The following BTAF1 variants were observed in gnomAD, a reference collection of about 807,000 sequenced individuals.
BTAF1 encodes the protein B-TFIID TATA-box binding protein associated factor 1.
In BTAF1, 38 loss-of-function variants were observed where a neutral mutation model predicts 227.1. That is an observed-to-expected ratio of 0.17 (90% CI 0.13 to 0.22). The LOEUF (loss-of-function observed/expected upper bound fraction) is 0.22. Ranked by LOEUF, BTAF1 falls within the 10% of genes least tolerant of loss-of-function variation. BTAF1 has a pLI of 1.00. For synonymous variants in BTAF1, 742 were observed against 751.9 expected (o/e 0.99, Z 0.21); for missense variants, 1,598 against 2,204.0 (o/e 0.73, Z 5.51).
At chr10:91,983,389 G>T (rs538381820) in intron 18 of BTAF1, among the ~76,000 whole-genome samples, 1 of 152,300 alleles carries the variant, frequency 6.6e-6, no homozygotes, top group Admixed American at 6.5e-5. Flanking sequence ...GTCTGCACTT[G>T]CTGTGAGAGT....
At position 91,992,264 on chromosome 10, in the gene BTAF1, T is replaced by C; in HGVS notation, c.3000T>C (p.Asp1000=). 1 of 1,612,964 alleles carries C rather than the reference T, an allele frequency of 6.2e-7. No individual in the cohort carries two copies. Among genetic ancestry groups the C allele is most frequent in the Non-Finnish European group, 8.5e-7 (1 of 1,179,844 alleles). ...TPKAVKAQIA[D]LPAGSSGNIL... Reference sequence around the variant, plus strand: ...AAGCAGTAAAAGCTCAAATAGCAGATCTTCCTGCAGGAAGTAGTGGAAATA... The same window carrying C: ...AAGCAGTAAAAGCTCAAATAGCAGACCTTCCTGCAGGAAGTAGTGGAAATA... Residue 1000 remains aspartate, a synonymous_variant, in exon 21 of 38, where the codon GAT becomes GAC. Transcript: ENST00000265990.
At chr10:91,999,737 C>CA (rs1268495070) in intron 25 of BTAF1, among the ~76,000 whole-genome samples, 8 of 152,106 alleles carry the variant, frequency 5.3e-5, no homozygotes, top group Admixed American at 2.0e-4. Context: ...GAAAATCACC[C>CA]ACATAATCAT....
chr10:91,957,336 T>C, intron 8 of BTAF1, 43 bp downstream of exon 8: 1 of 1,510,584 alleles, frequency 6.6e-7, no homozygotes, highest in Non-Finnish European at 9.2e-7. Context: ...CTATTTTCTG[T>C]GCTAATGAAG....
chr10:91,980,069 C>G (rs1024724166), intron 14 of BTAF1, among the ~76,000 whole-genome samples: 9 of 152,104 alleles, frequency 5.9e-5, no homozygotes, highest in African/African-American at 2.2e-4. Flanking sequence ...CTCTGATCAT[C>G]TAGCACAACA....
chr10:91,968,375 A>G (rs1847072170), intron 14 of BTAF1, among the ~76,000 whole-genome samples: 1 of 152,146 alleles, frequency 6.6e-6, no homozygotes, highest in African/African-American at 2.4e-5. Flanking sequence ...TTTTCATGTC[A>G]TGGTAGCCCA....
chr10:91,966,610 A>G, intron 13 of BTAF1, 27 bp from the exon 14 acceptor site: 1 of 1,609,272 alleles, frequency 6.2e-7, no homozygotes, highest in Non-Finnish European at 8.5e-7. Flanking sequence ...TAGAATAAGT[A>G]AGATTAATTT....
rs1206365810 is a variant in BTAF1, at chr10:92,029,715, C to T, written c.*782C>T. 1 of 151,808 alleles carries T rather than the reference C, an allele frequency of 6.6e-6. No individual in the cohort carries two copies. Among genetic ancestry groups the T allele is most frequent in the Non-Finnish European group, 1.5e-5 (1 of 67,916 alleles). 9.4% of individuals were successfully genotyped at this position (151,808 alleles called of 1,614,324 possible). A position where few individuals can be genotyped will look rare whatever the true frequency, so the allele number is the denominator to read the frequency against. On this transcript the variant is annotated 3_prime_UTR_variant, in exon 38 of 38. Coordinates refer to ENST00000265990, the MANE Select transcript of BTAF1 (RefSeq NM_003972.3). ...TATATTTTTTGTAACTATGAACATA[C>T]ACAGTTTTCCAGAAATAGATTTTAC...
At chr10:91,985,285 C>G (rs965758396) in intron 19 of BTAF1, among the ~76,000 whole-genome samples, 1 of 140,966 alleles carries the variant, frequency 7.1e-6, no homozygotes, top group Admixed American at 7.5e-5. Flanking sequence ...ATTTTTGAAA[C>G]TAATCTGTGT....
At position 92,026,622 on chromosome 10, in the gene BTAF1, G is replaced by T; in HGVS notation, c.5106G>T (p.Leu1702=). The T allele has an allele frequency of 3.7e-6, 6 of 1,613,636 alleles. No individual in the cohort carries two copies. Among genetic ancestry groups the T allele is most frequent in the Non-Finnish European group, 4.2e-6 (5 of 1,179,720 alleles). ...RFNNDPSIDV[L]LLTTHVGGLG... is the part of the protein sequence containing the mutation. Reference sequence around the variant, plus strand: ...ATAATGATCCATCTATAGACGTTCTGTTACTTACCACTCACGTTGGTGGCC... The same window carrying T: ...ATAATGATCCATCTATAGACGTTCTTTTACTTACCACTCACGTTGGTGGCC... Residue 1702 remains leucine (L), a synonymous_variant, in exon 36 of 38, where the codon CTG becomes CTT. Coordinates refer to ENST00000265990, the MANE Select transcript of BTAF1 (RefSeq NM_003972.3).
chr10:91,925,341 T>C (rs1485812589), intron 1 of BTAF1, among the ~76,000 whole-genome samples: 1 of 152,186 alleles, frequency 6.6e-6, no homozygotes, highest in Admixed American at 6.5e-5. Context: ...AATATATACA[T>C]TGTAAATGCA....
intron 7 of BTAF1, 135 bp from the exon 8 acceptor site, chr10:91,957,090 A>G (rs973872824): frequency 4.2e-5 from 23 of 548,134 alleles, no homozygotes; most frequent in Non-Finnish European, 6.7e-5. Context: ...ATATATCTTA[A>G]TTAGTTAAAA....
In BTAF1 at chr10:91,959,085, T is replaced by C. The variant is rs1282577041; in HGVS notation, c.921T>C (p.Thr307=). 7 of 1,614,138 alleles carry C rather than the reference T, an allele frequency of 4.3e-6. No homozygotes were observed. The highest frequency in any genetic ancestry group is 5.9e-6 in the Non-Finnish European group (7 of 1,179,978). The change falls in exon 9 of 38, where the codon ACT becomes ACC. Residue 307 remains threonine, a synonymous_variant. Coordinates refer to ENST00000265990, the MANE Select transcript of BTAF1 (RefSeq NM_003972.3). Reference sequence around the variant, plus strand: ...TTCAGGTTCGACATGGTGCAGGCACTGGACTTAGGGAAATTCTTAAAGCTC... The same window carrying C: ...TTCAGGTTCGACATGGTGCAGGCACCGGACTTAGGGAAATTCTTAAAGCTC... ...PSWEVRHGAG[T]GLREILKAHG... is the part of the protein sequence containing the mutation.
chr10:91,937,048 G>A (rs1054816234), intron 2 of BTAF1, among the ~76,000 whole-genome samples: 2 of 150,188 alleles, frequency 1.3e-5, no homozygotes, highest in African/African-American at 4.9e-5. Flanking sequence ...AGGCTGGAGT[G>A]CAGTGGCGCG....
rs1025395977 is a variant in BTAF1, at chr10:92,024,987, C to G, written c.5075+20C>G. 1.7e-5 allele frequency: 27 copies of G among 1,587,848 alleles called. No individual in the cohort carries two copies. Among genetic ancestry groups the G allele is most frequent in the Non-Finnish European group, 2.1e-5 (24 of 1,159,168 alleles). On this transcript the variant is annotated intron_variant, in intron 35 of 37. Transcript: ENST00000265990. The stretch of plus-strand genomic sequence containing the variant: ...TTCCCGGTAAGTGGCTTCTAAGACT[C>G]TTATTCATAAATAAATATATTATTA...
chr10:91,952,364 G>A (rs1845827612), intron 5 of BTAF1, among the ~76,000 whole-genome samples: 1 of 151,988 alleles, frequency 6.6e-6, no homozygotes, highest in Non-Finnish European at 1.5e-5. Flanking sequence ...ATACATTTGT[G>A]CTTCTTAACT....
chr10:91,943,300 G>A (rs1361183705), intron 4 of BTAF1, among the ~76,000 whole-genome samples: 1 of 152,090 alleles, frequency 6.6e-6, no homozygotes, highest in African/African-American at 2.4e-5. Context: ...GGCAACAGAG[G>A]TAGACTCTGT....
intron 34 of BTAF1, among the ~76,000 whole-genome samples, chr10:92,022,933 G>C (rs971938800): frequency 2.0e-5 from 3 of 152,184 alleles, no homozygotes; most frequent in East Asian, 1.9e-4. Context: ...TTTAAGGGCT[G>C]TTAGGTAGAA....
intron 30 of BTAF1, among the ~76,000 whole-genome samples, chr10:92,012,046 A>G (rs1850325931): frequency 6.8e-6 from 1 of 146,290 alleles, no homozygotes; most frequent in Admixed American, 6.8e-5. Flanking sequence ...ATGATTCTTT[A>G]TGTACTTACC....
chr10:91,963,466 CT>C (rs1419235767), intron 12 of BTAF1, among the ~76,000 whole-genome samples: 1 of 152,044 alleles, frequency 6.6e-6, no homozygotes, highest in Admixed American at 6.6e-5. Flanking sequence ...GGGAGTCCCC[CT>C]ATGTTGCCGA....
Sources: allele counts gnomAD v4.1 joint callset (sites outside exome capture counted in the v4.1 genomes callset), GRCh38; gene constraint gnomAD v4.1.1; transcripts MANE v1.5; gene names NCBI Gene and HGNC (gene_info 2026-07-23, HGNC 2026-07-21).